The following CORO2B variants were observed in gnomAD, a reference collection of about 807,000 sequenced individuals.
CORO2B encodes the protein coronin-2B.
Under a neutral mutation model 58.8 loss-of-function variants are expected in CORO2B, and 26 were observed. The ratio of observed to expected loss-of-function variants is 0.44; its 90% confidence interval spans 0.32 to 0.61. The LOEUF is 0.61. CORO2B is among the 20% of genes least tolerant of loss of function. The pLI is 0.04. For synonymous variants in CORO2B, 242 were observed against 253.8 expected, an observed-to-expected ratio of 0.95 and a Z score of 0.44; for missense variants, 460 against 645.1, an observed-to-expected ratio of 0.71 and a Z score of 3.11.
chr15:68,585,070 A>G (rs1305578427), intron 1 of CORO2B, among the ~76,000 whole-genome samples: 1 of 151,906 alleles, frequency 6.6e-6, no homozygotes, highest in Non-Finnish European at 1.5e-5. Context: ...CTGGCTGGCA[A>G]CCTCCTTCCA....
At chr15:68,632,055 A>G in intron 1 of CORO2B, 1 of 985,464 alleles carries the variant, frequency 1.0e-6, no homozygotes, top group Non-Finnish European at 1.2e-6. Flanking sequence ...CAGGCCTCCC[A>G]GGCTCCCAGG....
chr15:68,577,144 G>GT (rs1202560841), upstream of CORO2B, among the ~76,000 whole-genome samples: 1 of 152,158 alleles, frequency 6.6e-6, no homozygotes, highest in African/African-American at 2.4e-5. Flanking sequence ...AAGAGATTTA[G>GT]TAAGTCCCTG....
intron 9 of CORO2B, 86 bp downstream of exon 9, chr15:68,718,896 C>G: frequency 2.5e-6 from 3 of 1,209,998 alleles, no homozygotes; most frequent in Non-Finnish European, 3.6e-6. Flanking sequence ...TGGAGAAACC[C>G]AGGTGAGAGA....
intron 1 of CORO2B, among the ~76,000 whole-genome samples, chr15:68,590,610 CCACTT>C (rs1899680220): frequency 3.3e-5 from 5 of 152,208 alleles, no homozygotes; most frequent in Non-Finnish European, 5.9e-5. Context: ...TCCTCCCCTA[CCACTT>C]CGCTTAGAAC....
At chr15:68,566,982 C>T in the CORO2B span, among the ~76,000 whole-genome samples, 1 of 152,260 alleles carries the variant, frequency 6.6e-6, no homozygotes, top group Non-Finnish European at 1.5e-5. Flanking sequence ...GATCCCCACT[C>T]TCCCACTTGG....
chr15:68,596,519 G>T (rs1390925302), intron 1 of CORO2B, among the ~76,000 whole-genome samples: 1 of 152,254 alleles, frequency 6.6e-6, no homozygotes, highest in East Asian at 1.9e-4. Context: ...GGCCTGGTCT[G>T]GTGGGAAAGG....
At chr15:68,711,205 AG>A (rs1486265047) in intron 4 of CORO2B, among the ~76,000 whole-genome samples, 3 of 152,092 alleles carry the variant, frequency 2.0e-5, no homozygotes, top group Non-Finnish European at 4.4e-5. Flanking sequence ...AAGCTGCTGG[AG>A]GGCAAAAAGT....
chr15:68,568,874 G>T, the CORO2B span, among the ~76,000 whole-genome samples: 1 of 152,094 alleles, frequency 6.6e-6, no homozygotes, highest in Admixed American at 6.6e-5. Context: ...TAATGCATAC[G>T]GGGCTTAATA....
At chr15:68,689,841 G>T (rs1417669045) in intron 2 of CORO2B, among the ~76,000 whole-genome samples, 1 of 152,238 alleles carries the variant, frequency 6.6e-6, no homozygotes, top group East Asian at 1.9e-4. Context: ...AGGTCAGAAG[G>T]TCTAATAATA....
chr15:68,621,750 T>C (rs570140411), intron 1 of CORO2B, among the ~76,000 whole-genome samples: 8 of 151,198 alleles, frequency 5.3e-5, no homozygotes, highest in African/African-American at 1.7e-4. Context: ...TCACGTGACA[T>C]TGGGCAAGTT....
intron 2 of CORO2B, among the ~76,000 whole-genome samples, chr15:68,683,181 C>G (rs924512026): frequency 3.3e-5 from 5 of 152,194 alleles, no homozygotes; most frequent in Non-Finnish European, 7.3e-5. Context: ...CTATATCTCT[C>G]TCTAGGCCAC....
intron 2 of CORO2B, among the ~76,000 whole-genome samples, chr15:68,655,018 G>T (rs746462968): frequency 1.3e-5 from 2 of 152,200 alleles, no homozygotes; most frequent in African/African-American, 4.8e-5. Flanking sequence ...AGGTGGCCAT[G>T]CCAGGCTGGG....
intron 1 of CORO2B, among the ~76,000 whole-genome samples, chr15:68,600,755 G>GA (rs1899960451): frequency 6.6e-6 from 1 of 152,208 alleles, no homozygotes; most frequent in African/African-American, 2.4e-5. Flanking sequence ...TTGAGGAAAT[G>GA]AAAACAGTAA....
At chr15:68,607,906 C>T (rs1328279486) in intron 1 of CORO2B, among the ~76,000 whole-genome samples, 3 of 152,092 alleles carry the variant, frequency 2.0e-5, no homozygotes, top group Non-Finnish European at 4.4e-5. Flanking sequence ...GAACAGATGC[C>T]ATGTGACAAG....
intron 1 of CORO2B, among the ~76,000 whole-genome samples, chr15:68,642,242 G>C (rs1353745622): frequency 6.6e-6 from 1 of 152,044 alleles, no homozygotes; most frequent in Non-Finnish European, 1.5e-5. Context: ...GCACAGAGAG[G>C]TTAAGTGATT....
chr15:68,599,091 C>T (rs1899911205), intron 1 of CORO2B, among the ~76,000 whole-genome samples: 1 of 152,216 alleles, frequency 6.6e-6, no homozygotes, highest in Non-Finnish European at 1.5e-5. Context: ...CTCCTTGGCC[C>T]CTGCCCAAAC....
At chr15:68,543,089 A>T in the CORO2B span, among the ~76,000 whole-genome samples, 1 of 152,204 alleles carries the variant, frequency 6.6e-6, no homozygotes, top group African/African-American at 2.4e-5. Flanking sequence ...ACTGACGGAG[A>T]CAACTCAGGA....
rs537299305 is a variant in CORO2B, at chr15:68,697,130, ATGGATGGATGGATTGT to A, written c.333+1900_333+1915del. ...GGATGGATGGATGGATTGTGGATGG[ATGGATGGATGGATTGT>A]TGGATGGATGGATTGTTGGATGGAT... On this transcript the variant is annotated intron_variant, in intron 3 of 11. Coordinates refer to ENST00000261861, the MANE Select transcript of CORO2B (RefSeq NM_006091.5). Among the ~76,000 whole-genome samples, 184 of 151,948 alleles carry A rather than the reference ATGGATGGATGGATTGT, an allele frequency of 1.2e-3. 5 individuals are homozygous for A. Among genetic ancestry groups the A allele is most frequent in the Admixed American group, 0.011 (168 of 15,258 alleles).
the CORO2B span, among the ~76,000 whole-genome samples, chr15:68,564,613 A>G: frequency 6.6e-6 from 1 of 152,190 alleles, no homozygotes; most frequent in Non-Finnish European, 1.5e-5. Flanking sequence ...TTCCTGGCCC[A>G]AAGCAGTGAA....
Sources: allele counts gnomAD v4.1 joint callset (sites outside exome capture counted in the v4.1 genomes callset), GRCh38; gene constraint gnomAD v4.1.1; transcripts MANE v1.5; gene names NCBI Gene and HGNC (gene_info 2026-07-23, HGNC 2026-07-21).